Variants in LRRC4C observed in about 807,000 individuals in gnomAD.
The protein encoded by LRRC4C is leucine-rich repeat-containing protein 4C.
Under a neutral mutation model 33.6 loss-of-function variants are expected in LRRC4C, and 5 were observed. That is an observed-to-expected ratio of 0.15 (90% CI 0.08 to 0.31). The LOEUF is 0.31. LRRC4C is among the 10% of genes least tolerant of loss of function. The pLI is 1.00. For missense variants in LRRC4C, 560 were observed against 796.7 expected, an observed-to-expected ratio of 0.70 and a Z score of 3.58; for synonymous variants, 329 against 302.0, an observed-to-expected ratio of 1.09 and a Z score of -0.93.
At chr11:41,104,854 T>C (rs1590599529) in intron 1 of LRRC4C, among the ~76,000 whole-genome samples, 1 of 151,954 alleles carries the variant, frequency 6.6e-6, no homozygotes, top group African/African-American at 2.4e-5. Flanking sequence ...ATAAATTATA[T>C]AATTTCATTT....
chr11:40,887,643 A>G (rs1180023642), intron 2 of LRRC4C, among the ~76,000 whole-genome samples: 1 of 152,118 alleles, frequency 6.6e-6, no homozygotes, highest in Non-Finnish European at 1.5e-5. Flanking sequence ...CCAAGGTTCT[A>G]GAGTTTGGTA....
chr11:41,289,045 C>T (rs1302996478), intron 1 of LRRC4C, among the ~76,000 whole-genome samples: 3 of 152,070 alleles, frequency 2.0e-5, no homozygotes, highest in Non-Finnish European at 4.4e-5. Flanking sequence ...GCCTTTGCCT[C>T]ATAATATAAC....
intron 3 of LRRC4C, among the ~76,000 whole-genome samples, chr11:40,560,831 A>G (rs187606660): frequency 6.6e-6 from 1 of 152,344 alleles, no homozygotes; most frequent in Non-Finnish European, 1.5e-5. Flanking sequence ...CTGCATTTAT[A>G]CACAATATAA....
chr11:40,159,736 T>A lies in LRRC4C; in HGVS notation c.-95-18883A>T, dbSNP rs570390729. Among the ~76,000 whole-genome samples the A allele has an allele frequency of 1.9e-4, 29 of 152,278 alleles. No homozygotes were observed. The South Asian group carries it at 2.3e-3, about 12-fold the overall frequency. On this transcript the variant is annotated intron_variant, in intron 5 of 6. Coordinates refer to ENST00000528697, the MANE Select transcript of LRRC4C (RefSeq NM_001258419.2). ...TTTCTTCACAAATTTCCCTAAAAAG[T>A]CCTCCTACTCAACTGCAGACTGTCA...
chr11:40,693,514 T>C (rs1469930093), intron 2 of LRRC4C, among the ~76,000 whole-genome samples: 2 of 152,116 alleles, frequency 1.3e-5, no homozygotes, highest in Non-Finnish European at 2.9e-5. Flanking sequence ...GTAGGTAATC[T>C]GCAGACTTTC....
At chr11:40,748,286 AG>A (rs1421534555) in intron 2 of LRRC4C, among the ~76,000 whole-genome samples, 1 of 152,134 alleles carries the variant, frequency 6.6e-6, no homozygotes, top group East Asian at 1.9e-4. Flanking sequence ...AAAAACTTCC[AG>A]CTGAGCACAC....
At chr11:40,401,695 C>A (rs907414289) in intron 3 of LRRC4C, among the ~76,000 whole-genome samples, 1 of 152,072 alleles carries the variant, frequency 6.6e-6, no homozygotes, top group Non-Finnish European at 1.5e-5. Context: ...CCCTCTACAG[C>A]CCACTGCATG....
chr11:40,149,035 T>A (rs1389751324), intron 5 of LRRC4C, among the ~76,000 whole-genome samples: 2 of 152,174 alleles, frequency 1.3e-5, no homozygotes, highest in Non-Finnish European at 2.9e-5. Flanking sequence ...GTTCCATTAA[T>A]GTGTCTGTTT....
chr11:41,279,511 A>C (rs1042284659), intron 1 of LRRC4C, among the ~76,000 whole-genome samples: 7 of 151,842 alleles, frequency 4.6e-5, no homozygotes, highest in Admixed American at 1.3e-4. Context: ...CTCCATAGTT[A>C]CCCATCCCTA....
intron 2 of LRRC4C, among the ~76,000 whole-genome samples, chr11:40,906,009 G>C (rs1353681899): frequency 6.6e-6 from 1 of 152,106 alleles, no homozygotes; most frequent in Non-Finnish European, 1.5e-5. Context: ...AAATTTCATT[G>C]TTGTCTTATT....
intron 1 of LRRC4C, among the ~76,000 whole-genome samples, chr11:41,170,027 G>A (rs1218915708): frequency 6.6e-6 from 1 of 152,054 alleles, no homozygotes; most frequent in Non-Finnish European, 1.5e-5. Flanking sequence ...GAAACAATGT[G>A]ATGAAGGATA....
intron 1 of LRRC4C, among the ~76,000 whole-genome samples, chr11:41,415,325 A>C (rs1954636155): frequency 6.6e-6 from 1 of 152,128 alleles, no homozygotes; most frequent in South Asian, 2.1e-4. Context: ...CAGGGAGTGA[A>C]TGGACAGAAG....
intron 3 of LRRC4C, among the ~76,000 whole-genome samples, chr11:40,620,033 T>A (rs1249703816): frequency 1.5e-5 from 2 of 136,778 alleles, no homozygotes; most frequent in African/African-American, 2.7e-5. Context: ...TGTGAAAAAT[T>A]GAAGTTTAAA....
chr11:41,243,349 G>T (rs968298752), intron 1 of LRRC4C, among the ~76,000 whole-genome samples: 1 of 152,202 alleles, frequency 6.6e-6, no homozygotes, highest in South Asian at 2.1e-4. Flanking sequence ...CACATATTTT[G>T]TCAAACAATT....
intron 2 of LRRC4C, among the ~76,000 whole-genome samples, chr11:40,711,502 C>G (rs144388248): frequency 1.3e-5 from 2 of 152,004 alleles, no homozygotes; most frequent in Admixed American, 6.6e-5. Flanking sequence ...GGTAGAGAGA[C>G]TGTTTTATAG....
chr11:40,401,542 A>C (rs920443), intron 3 of LRRC4C, among the ~76,000 whole-genome samples: 54,903 of 151,988 alleles, frequency 0.36, 10,628 homozygotes, highest in East Asian at 0.5. Context: ...TCATATGTCG[A>C]TTGCTTTCTC....
intron 1 of LRRC4C, among the ~76,000 whole-genome samples, chr11:40,968,114 A>G (rs2136955057): frequency 6.6e-6 from 1 of 152,196 alleles, no homozygotes; most frequent in East Asian, 1.9e-4. Flanking sequence ...ACCATAAGAA[A>G]GTGACATAGG....
chr11:40,713,963 T>C (rs1199188433), intron 2 of LRRC4C, among the ~76,000 whole-genome samples: 1 of 152,182 alleles, frequency 6.6e-6, no homozygotes, highest in African/African-American at 2.4e-5. Flanking sequence ...TATAACCTCA[T>C]AGCTCATTCA....
chr11:40,235,703 C>T lies in LRRC4C; in HGVS notation c.-96+5816G>A, dbSNP rs569669094. Among the ~76,000 whole-genome samples the T allele has an allele frequency of 3.3e-4, 50 of 152,260 alleles. 1 individual carries two copies. The South Asian group carries it at 0.01, about 32-fold the overall frequency. On this transcript the variant is annotated intron_variant, in intron 5 of 6. Transcript: ENST00000528697. ...CCTCCATACATATCAACATGACACT[C>T]ATTAATTGTGTAGCTCTTTACCAAT...
Sources: gnomAD v4.1 joint callset for allele counts (sites outside exome capture counted in the v4.1 genomes callset) on GRCh38, gnomAD v4.1.1 for gene constraint, MANE v1.5 for transcripts, NCBI Gene and HGNC (gene_info 2026-07-23, HGNC 2026-07-21) for gene names.